The following NPEPPS variants were observed in gnomAD, a reference collection of about 807,000 sequenced individuals.
NPEPPS encodes puromycin-sensitive aminopeptidase.
In NPEPPS, 14 loss-of-function variants were observed where a neutral mutation model predicts 115.5. The observed-to-expected ratio is 0.12, with a 90% confidence interval of 0.08 to 0.19. The LOEUF is 0.19. Ranked by LOEUF, NPEPPS falls within the 10% of genes least tolerant of loss-of-function variation. NPEPPS has a pLI of 1.00. For missense variants in NPEPPS, 523 were observed against 1,110.8 expected (o/e 0.47, Z 7.52); for synonymous variants, 285 against 390.6 (o/e 0.73, Z 3.19).
chr17:47,607,113 A>G lies in NPEPPS; in HGVS notation c.2095+1561A>G, dbSNP rs552307589. Among the ~76,000 whole-genome samples, 8 of 152,048 alleles carry G rather than the reference A, an allele frequency of 5.3e-5. No homozygotes were observed. In the East Asian group the frequency reaches 1.6e-3, roughly 29 times the overall value. On this transcript the variant is annotated intron_variant, in intron 17 of 22. Transcript: ENST00000322157. Reference sequence around the variant, plus strand: ...GAGGCTGAGGCAGAGAATTGCTTGAACCCAGGGGGCAGAGGCTGCAGTGAG... The same window carrying G: ...GAGGCTGAGGCAGAGAATTGCTTGAGCCCAGGGGGCAGAGGCTGCAGTGAG...
In NPEPPS at chr17:47,589,061, G is replaced by A. The variant is rs1912354345; in HGVS notation, c.1096-1656G>A. ...CTCCTGAGTAGCTGCAATTACAGGTGTGTGGCACCATGCCCAGCTAATTTT... is the reference window on the plus strand; with the variant it reads ...CTCCTGAGTAGCTGCAATTACAGGTATGTGGCACCATGCCCAGCTAATTTT... On this transcript the variant is annotated intron_variant, in intron 9 of 22. Transcript: ENST00000322157. Among the ~76,000 whole-genome samples, 3 of 152,228 alleles carry A rather than the reference G, an allele frequency of 2.0e-5. No individual in the cohort carries two copies. The South Asian group carries it at 6.2e-4, about 32-fold the overall frequency.
intron 1 of NPEPPS, among the ~76,000 whole-genome samples, chr17:47,544,300 AGTGCTAGGATTACAGGT>A (rs1200328997): frequency 1.3e-5 from 2 of 152,070 alleles, no homozygotes; most frequent in Non-Finnish European, 2.9e-5. Context: ...ACCCTCCAGA[AGTGCTAGGATTACAGGT>A]GTGAGCCACC....
chr17:47,569,699 C>T lies in NPEPPS; in HGVS notation c.418+205C>T, dbSNP rs573357551. Among the ~76,000 whole-genome samples, 7 of 151,836 alleles carry T rather than the reference C, an allele frequency of 4.6e-5. No homozygotes were observed. In the East Asian group the frequency reaches 1.4e-3, roughly 29 times the overall value. On this transcript the variant is annotated intron_variant, in intron 3 of 22. Transcript: ENST00000322157. ...GTGGCATGATCTTGGCTCACTACAA[C>T]CTCCACCTTCCAGGTTCAAGCGATT...
intron 2 of NPEPPS, among the ~76,000 whole-genome samples, chr17:47,556,073 C>CTTT (rs747406184): frequency 6.2e-5 from 5 of 80,726 alleles, no homozygotes; most frequent in Admixed American, 1.3e-4. Context: ...AAGCAATTCT[C>CTTT]TTTTTTTTTT....
At chr17:47,595,083 A>AATC (rs1912780092) in intron 12 of NPEPPS, among the ~76,000 whole-genome samples, 1 of 151,826 alleles carries the variant, frequency 6.6e-6, no homozygotes, top group Non-Finnish European at 1.5e-5. Context: ...GGTGTGTGCC[A>AATC]CCATGCCCAG....
intron 3 of NPEPPS, among the ~76,000 whole-genome samples, chr17:47,577,455 A>G (rs1406045335): frequency 1.3e-5 from 2 of 152,148 alleles, no homozygotes; most frequent in African/African-American, 4.8e-5. Context: ...TTCTAAAGAA[A>G]ATAGAAATTA....
At chr17:47,540,717 CTGTG>C (rs894004320) in intron 1 of NPEPPS, among the ~76,000 whole-genome samples, 2 of 152,012 alleles carry the variant, frequency 1.3e-5, no homozygotes, top group African/African-American at 4.8e-5. Context: ...ACAATTTAAC[CTGTG>C]TGTGTGTATG....
chr17:47,617,368 T>C (rs1472934521), intron 19 of NPEPPS, among the ~76,000 whole-genome samples: 3 of 151,962 alleles, frequency 2.0e-5, no homozygotes, highest in Admixed American at 2.0e-4. Context: ...CCCCACCCCC[T>C]TTTTTTGGAA....
chr17:47,571,045 T>C (rs1304712314), intron 3 of NPEPPS, among the ~76,000 whole-genome samples: 1 of 152,208 alleles, frequency 6.6e-6, no homozygotes, highest in African/African-American at 2.4e-5. Context: ...AATATATTTG[T>C]TCAACACTAA....
chr17:47,619,595 T>G (rs1389880271), intron 21 of NPEPPS, 142 bp from the exon 22 acceptor site: 2 of 718,284 alleles, frequency 2.8e-6, no homozygotes, highest in Non-Finnish European at 4.9e-6. Context: ...TGGCTTTATT[T>G]AAGGACTTCT....
chr17:47,587,278 C>A lies in NPEPPS; in HGVS notation c.1029C>A (p.Arg343=). Residue 343 remains arginine, a synonymous_variant, in exon 9 of 23, where the codon CGC becomes CGA. Coordinates refer to ENST00000322157, the MANE Select transcript of NPEPPS (RefSeq NM_006310.4). ...CAAAAAATTCCTGTTCTTCATCCCG[C>A]CAGTGGGTTGCTCTGGTTGTGGGAC... The part of the protein sequence containing the change: ...IDPKNSCSSS[R]QWVALVVGHE... The A allele has an allele frequency of 6.2e-7, 1 of 1,610,014 alleles. No individual in the cohort carries two copies. The highest frequency in any genetic ancestry group is 8.5e-7 in the Non-Finnish European group (1 of 1,178,636).
chr17:47,589,147 T>C (rs1389388156), intron 9 of NPEPPS, among the ~76,000 whole-genome samples: 14 of 152,038 alleles, frequency 9.2e-5, no homozygotes, highest in Non-Finnish European at 2.1e-4. Flanking sequence ...GGGTTTCACT[T>C]TGTTGCCTAA....
intron 10 of NPEPPS, 100 bp downstream of exon 10, chr17:47,590,981 A>G: frequency 6.8e-7 from 1 of 1,480,430 alleles, no homozygotes; most frequent in East Asian, 2.3e-5. Flanking sequence ...AATAAGAGAA[A>G]ATAGCATGGG....
chr17:47,553,133 G>A (rs1436704035), intron 2 of NPEPPS, among the ~76,000 whole-genome samples: 7 of 152,004 alleles, frequency 4.6e-5, no homozygotes, highest in Non-Finnish European at 8.8e-5. Context: ...TTGGGAGGCC[G>A]AGGCGGGCGG....
chr17:47,608,759 GA>G (rs200905986), intron 17 of NPEPPS, among the ~76,000 whole-genome samples: 287 of 152,142 alleles, frequency 1.9e-3, no homozygotes, highest in African/African-American at 6.3e-3. Context: ...AGCCAGGAGA[GA>G]GGGGGGGTAT....
intron 10 of NPEPPS, 26 bp downstream of exon 10, chr17:47,590,907 C>T (rs1912461039): frequency 6.7e-7 from 1 of 1,495,586 alleles, no homozygotes; most frequent in Non-Finnish European, 9.0e-7. Flanking sequence ...TAACCATTAG[C>T]CTATGACTGC....
intron 2 of NPEPPS, among the ~76,000 whole-genome samples, chr17:47,546,241 C>T (rs1163788837): frequency 2.0e-5 from 3 of 152,034 alleles, no homozygotes; most frequent in East Asian, 1.9e-4. Flanking sequence ...GCCTGGGCCA[C>T]GTGGCGAAAC....
rs537866416 is a variant in NPEPPS at position 47,534,643 on chromosome 17, C to T, written c.255+3088C>T. ...GTGTGATCTCGACTCACTGCAGCCT[C>T]CACCCTGTGCCCCTGCCGGGTTCAA... On this transcript the variant is annotated intron_variant, in intron 1 of 22. Transcript: ENST00000322157. Among the ~76,000 whole-genome samples the T allele has an allele frequency of 2.8e-3, 421 of 152,146 alleles. 1 individual carries two copies. The highest frequency in any genetic ancestry group is 4.9e-3 in the Admixed American group (75 of 15,282).
At chr17:47,538,530 T>TC (rs983192661) in intron 1 of NPEPPS, among the ~76,000 whole-genome samples, 17 of 142,150 alleles carry the variant, frequency 1.2e-4, no homozygotes, top group Admixed American at 6.3e-4. Flanking sequence ...TGTTTTCTTT[T>TC]TTTTTTTTTT....
Sources: allele counts gnomAD v4.1 joint callset (sites outside exome capture counted in the v4.1 genomes callset), GRCh38; gene constraint gnomAD v4.1.1; transcripts MANE v1.5; gene names NCBI Gene and HGNC (gene_info 2026-07-23, HGNC 2026-07-21).